Variants in CNTNAP2 observed in about 807,000 individuals in gnomAD.
The protein encoded by CNTNAP2 is contactin-associated protein-like 2.
In CNTNAP2, 98 loss-of-function variants were observed where a neutral mutation model predicts 155.2. The ratio of observed to expected loss-of-function variants is 0.63; its 90% confidence interval spans 0.54 to 0.75. The LOEUF (loss-of-function observed/expected upper bound fraction) is 0.75, where lower values mean the gene tolerates loss of function less well. CNTNAP2 is among the 30% of genes least tolerant of loss of function. The pLI is 0.00. For missense variants in CNTNAP2, 1,727 were observed against 1,688.1 expected (o/e 1.02, Z -0.40); for synonymous variants, 651 against 631.2 (o/e 1.03, Z -0.47).
intron 2 of CNTNAP2, among the ~76,000 whole-genome samples, chr7:146,797,848 A>G (rs892246284): frequency 1.3e-5 from 2 of 152,264 alleles, no homozygotes; most frequent in Admixed American, 6.5e-5. Context: ...AGATAGAGAT[A>G]CAAAGTTGTT....
intron 3 of CNTNAP2, among the ~76,000 whole-genome samples, chr7:146,851,437 G>T (rs528698873): frequency 1.3e-5 from 2 of 152,152 alleles, no homozygotes; most frequent in East Asian, 3.9e-4. Flanking sequence ...GTATTAGTTT[G>T]CTAGGGCTGC....
intron 13 of CNTNAP2, among the ~76,000 whole-genome samples, chr7:147,891,082 T>A (rs7806114): frequency 0.28 from 42,389 of 151,994 alleles, 6,338 homozygotes; most frequent in East Asian, 0.41. Context: ...CTATTTTTTT[T>A]AAAAAGAATA....
intron 13 of CNTNAP2, among the ~76,000 whole-genome samples, chr7:147,835,108 C>G (rs573792325): frequency 6.6e-6 from 1 of 152,220 alleles, no homozygotes; most frequent in South Asian, 2.1e-4. Flanking sequence ...ATGAAACATT[C>G]CCCTGTAAAA....
At chr7:146,717,220 T>A (rs1170477068) in intron 1 of CNTNAP2, among the ~76,000 whole-genome samples, 1 of 152,020 alleles carries the variant, frequency 6.6e-6, no homozygotes, top group East Asian at 1.9e-4. Context: ...TCACAAATGT[T>A]AAGCTATAAT....
chr7:146,898,453 C>T (rs1380453712), intron 3 of CNTNAP2, among the ~76,000 whole-genome samples: 1 of 151,346 alleles, frequency 6.6e-6, no homozygotes, highest in South Asian at 2.1e-4. Flanking sequence ...AGAGTTTCAA[C>T]CACTTTATTT....
In CNTNAP2 at chr7:147,639,241, G is replaced by C. The variant is rs1795236464; in HGVS notation, c.2033G>C (p.Ser678Thr). Reference protein sequence around the residue: ...SMDQISAITDSAEYCEQYVSY... With the variant: ...SMDQISAITDTAEYCEQYVSY... ...GACCAGATAAGTGCCATCACTGACA[G>C]TGCCGAGTACTGCGAGCAGTATGTC... is the stretch of plus-strand genomic sequence containing the variant. Residue 678 changes from serine to threonine, a missense_variant, in exon 13 of 24, where the codon AGT becomes ACT. By Grantham distance (58) the Ser-to-Thr change is moderately conservative. Coordinates refer to ENST00000361727, the MANE Select transcript of CNTNAP2 (RefSeq NM_014141.6). 1.1e-5 allele frequency: 17 copies of C among 1,614,008 alleles called. No homozygotes were observed. In the East Asian group the frequency reaches 3.8e-4, roughly 36 times the overall value.
In CNTNAP2 at chr7:147,241,337, A is replaced by G. The variant is rs139267547; in HGVS notation, c.1349-58804A>G. ...TAATTGTTTCTCCTTTTAGAAAATC[A>G]TTTTTCTCTGCCGGGCGCGGTGCCT... On this transcript the variant is annotated intron_variant, in intron 8 of 23. Transcript: ENST00000361727. 5.3e-3 allele frequency among the ~76,000 whole-genome samples: 802 copies of G among 152,150 alleles called. 11 individuals are homozygous for G. The highest frequency in any genetic ancestry group is 0.033 in the South Asian group (157 of 4,830).
intron 1 of CNTNAP2, among the ~76,000 whole-genome samples, chr7:146,743,676 A>G (rs1313926017): frequency 5.9e-5 from 9 of 152,146 alleles, no homozygotes; most frequent in African/African-American, 2.4e-5. Flanking sequence ...TAATATGACA[A>G]TACACATCCC....
chr7:146,236,747 A>G (rs1186453264), intron 1 of CNTNAP2, among the ~76,000 whole-genome samples: 4 of 152,124 alleles, frequency 2.6e-5, no homozygotes, highest in East Asian at 1.9e-4. Flanking sequence ...GATTATATCT[A>G]TATATCAAAT....
At chr7:147,491,388 G>A (rs750021467) in intron 11 of CNTNAP2, among the ~76,000 whole-genome samples, 15 of 152,062 alleles carry the variant, frequency 9.9e-5, no homozygotes, top group Non-Finnish European at 2.1e-4. Flanking sequence ...TCCTCCCTCA[G>A]ATTTCAGCTC....
intron 1 of CNTNAP2, among the ~76,000 whole-genome samples, chr7:146,366,359 G>C (rs1795155469): frequency 6.6e-6 from 1 of 151,974 alleles, no homozygotes. Flanking sequence ...TTCTAATCAA[G>C]TATAAGTTAT....
intron 1 of CNTNAP2, among the ~76,000 whole-genome samples, chr7:146,646,551 A>G (rs927452552): frequency 1.3e-5 from 2 of 152,200 alleles, no homozygotes; most frequent in African/African-American, 4.8e-5. Flanking sequence ...AAATATGTGT[A>G]TTTTAAAATT....
chr7:147,792,886 T>C (rs1563091104), intron 13 of CNTNAP2, among the ~76,000 whole-genome samples: 1 of 152,180 alleles, frequency 6.6e-6, no homozygotes, highest in African/African-American at 2.4e-5. Flanking sequence ...TTTTTTATTA[T>C]GGCCATCCTA....
chr7:148,336,510 C>T (rs1288541277), intron 21 of CNTNAP2, among the ~76,000 whole-genome samples: 1 of 149,178 alleles, frequency 6.7e-6, no homozygotes, highest in Non-Finnish European at 1.5e-5. Flanking sequence ...TACTGACTGG[C>T]TCCTGTCTAA....
At chr7:146,153,897 A>C (rs4520081) in intron 1 of CNTNAP2, among the ~76,000 whole-genome samples, 16,989 of 152,228 alleles carry the variant, frequency 0.11, 1,248 homozygotes, top group Non-Finnish European at 0.17. Context: ...GCAGATTATT[A>C]AACTTCCAGT....
intron 4 of CNTNAP2, among the ~76,000 whole-genome samples, chr7:147,078,148 A>C (rs990825226): frequency 1.3e-5 from 2 of 152,250 alleles, no homozygotes; most frequent in Non-Finnish European, 2.9e-5. Context: ...AGAGGATCGC[A>C]ATACATATAA....
intron 20 of CNTNAP2, among the ~76,000 whole-genome samples, chr7:148,266,546 A>G (rs1326244063): frequency 6.6e-6 from 1 of 152,200 alleles, no homozygotes; most frequent in African/African-American, 2.4e-5. Flanking sequence ...AATCATTCTC[A>G]TTGGGATAAC....
At chr7:147,266,804 G>T (rs532273593) in intron 8 of CNTNAP2, among the ~76,000 whole-genome samples, 7 of 151,986 alleles carry the variant, frequency 4.6e-5, no homozygotes, top group Non-Finnish European at 8.8e-5. Flanking sequence ...TCTGACCTTG[G>T]TGCTTTATTT....
At chr7:146,503,486 T>C (rs934037487) in intron 1 of CNTNAP2, among the ~76,000 whole-genome samples, 1 of 152,234 alleles carries the variant, frequency 6.6e-6, no homozygotes, top group Non-Finnish European at 1.5e-5. Context: ...AAAGATTGTA[T>C]ACCTCTGGAT....
Sources: allele counts gnomAD v4.1 joint callset (sites outside exome capture counted in the v4.1 genomes callset), GRCh38; gene constraint gnomAD v4.1.1; transcripts MANE v1.5; gene names NCBI Gene and HGNC (gene_info 2026-07-23, HGNC 2026-07-21).